Variants in AGBL1 observed in about 807,000 individuals in gnomAD.
AGBL1 encodes cytosolic carboxypeptidase 4.
Under a neutral mutation model 118.9 loss-of-function variants are expected in AGBL1, and 130 were observed. The ratio of observed to expected loss-of-function variants is 1.09; its 90% CI spans 0.95 to 1.26. The LOEUF (loss-of-function observed/expected upper bound fraction) is 1.26. Ranked by LOEUF, AGBL1 falls within the 50% of genes most tolerant of loss-of-function variation. AGBL1 has a pLI of 0.00. For synonymous variants in AGBL1, 555 were observed against 478.9 expected (o/e 1.16, Z -2.08); for missense variants, 1,584 against 1,298.1 (o/e 1.22, Z -3.38).
At chr15:86,188,028 A>G (rs1021274239) in intron 5 of AGBL1, among the ~76,000 whole-genome samples, 3 of 152,210 alleles carry the variant, frequency 2.0e-5, no homozygotes, top group Non-Finnish European at 4.4e-5. Context: ...GATAATTTAA[A>G]GTTTTTTCGT....
rs2079111245 is a variant in AGBL1 at position 86,268,714 on chromosome 15, T to C, written c.1839-1205T>C. ...TTGTGAGTGCCACTCCATGGGGTTA[T>C]GTGTCATGTGTTGTGTGGTGAGCCC... On this transcript the variant is annotated intron_variant, in intron 13 of 22. Coordinates refer to ENST00000614907, the MANE Select transcript of AGBL1 (RefSeq NM_001386094.1). Among the ~76,000 whole-genome samples the C allele has an allele frequency of 2.0e-5, 3 of 152,190 alleles. No homozygotes were observed. The South Asian group carries it at 6.2e-4, about 32-fold the overall frequency.
intron 21 of AGBL1, chr15:86,630,694 G>C (rs1217829477): frequency 6.6e-6 from 1 of 152,208 alleles, no homozygotes; most frequent in Non-Finnish European, 1.5e-5. Context: ...TCTGTGACAA[G>C]AACAAAGTGA....
rs550367311 is a variant in AGBL1, at chr15:86,495,369, A to T, written c.2556-27441A>T. Among the ~76,000 whole-genome samples, 434 of 147,984 alleles carry T rather than the reference A, an allele frequency of 2.9e-3. 4 individuals are homozygous for T. The highest frequency in any genetic ancestry group is 8.0e-3 in the African/African-American group (325 of 40,776). ...TGATCTATCAGTTTCTGTGAAAGGT[A>T]TTTTTTTTTAAATACCTCTATCTTT... On this transcript the variant is annotated intron_variant, in intron 18 of 22. Coordinates refer to ENST00000614907, the MANE Select transcript of AGBL1 (RefSeq NM_001386094.1).
At chr15:86,887,221 G>C (rs1262054984) in intron 22 of AGBL1, among the ~76,000 whole-genome samples, 2 of 152,150 alleles carry the variant, frequency 1.3e-5, no homozygotes, top group African/African-American at 4.8e-5. Flanking sequence ...TCTATCCTCT[G>C]TCATTCCATC....
chr15:86,696,297 T>C (rs1359027042), intron 22 of AGBL1, among the ~76,000 whole-genome samples: 2 of 151,970 alleles, frequency 1.3e-5, no homozygotes, highest in Non-Finnish European at 2.9e-5. Context: ...GATTGTGATA[T>C]TTTCCTGTTG....
At chr15:86,899,600 T>C (rs2080183136) in intron 22 of AGBL1, among the ~76,000 whole-genome samples, 1 of 152,192 alleles carries the variant, frequency 6.6e-6, no homozygotes, top group Non-Finnish European at 1.5e-5. Flanking sequence ...AATTTATATT[T>C]GATAATACTT....
intron 18 of AGBL1, among the ~76,000 whole-genome samples, chr15:86,518,872 C>A (rs2083153469): frequency 6.6e-6 from 1 of 151,272 alleles, no homozygotes; most frequent in South Asian, 2.1e-4. Flanking sequence ...GCAAGCATTT[C>A]AAAGCTAAAA....
At chr15:86,704,756 A>G (rs1208544384) in intron 22 of AGBL1, among the ~76,000 whole-genome samples, 1 of 152,200 alleles carries the variant, frequency 6.6e-6, no homozygotes, top group Non-Finnish European at 1.5e-5. Flanking sequence ...CAGAAATACC[A>G]TTTGACCCAA....
chr15:86,566,525 A>G (rs1049003119), intron 21 of AGBL1, among the ~76,000 whole-genome samples: 3 of 151,928 alleles, frequency 2.0e-5, no homozygotes, highest in East Asian at 3.9e-4. Context: ...GAAACAGCCA[A>G]TTTTTTTTAT....
At chr15:86,112,719 G>A (rs1002075987) in intron 1 of AGBL1, among the ~76,000 whole-genome samples, 13 of 152,182 alleles carry the variant, frequency 8.5e-5, no homozygotes, top group African/African-American at 2.7e-4. Context: ...CAGCAGTGTA[G>A]GAGAATGCCT....
chr15:86,143,947 G>A (rs919912318), intron 3 of AGBL1, 102 bp downstream of exon 3: 6 of 1,395,940 alleles, frequency 4.3e-6, no homozygotes, highest in African/African-American at 2.9e-5. Context: ...CAGGGAGAAA[G>A]CGTCAGGGAG....
chr15:86,852,727 A>G (rs1267758045), intron 22 of AGBL1, among the ~76,000 whole-genome samples: 2 of 151,492 alleles, frequency 1.3e-5, no homozygotes, highest in African/African-American at 4.9e-5. Flanking sequence ...CATCCTGTGA[A>G]CCTCTTTCCT....
At chr15:86,830,056 TTA>T (rs1273257527) in intron 22 of AGBL1, among the ~76,000 whole-genome samples, 3 of 152,266 alleles carry the variant, frequency 2.0e-5, no homozygotes, top group African/African-American at 2.4e-5. Flanking sequence ...TAGAATAATT[TTA>T]TATGTTTCCA....
At chr15:86,426,080 T>C (rs755731028) in intron 18 of AGBL1, among the ~76,000 whole-genome samples, 5 of 152,094 alleles carry the variant, frequency 3.3e-5, no homozygotes, top group Non-Finnish European at 5.9e-5. Flanking sequence ...TAGTATATAG[T>C]AGAACATATG....
chr15:86,326,837 A>AG (rs2080191675), intron 17 of AGBL1, among the ~76,000 whole-genome samples: 1 of 152,184 alleles, frequency 6.6e-6, no homozygotes, highest in Non-Finnish European at 1.5e-5. Flanking sequence ...AGAAGCTAGA[A>AG]GGGGGTCAGA....
At chr15:86,801,351 A>ATCTATCTATCTATCTATCTG (rs1237814314) in intron 22 of AGBL1, among the ~76,000 whole-genome samples, 2 of 149,914 alleles carry the variant, frequency 1.3e-5, no homozygotes, top group Non-Finnish European at 3.0e-5. Flanking sequence ...CTATCTATCT[A>ATCTATCTATCTATCTATCTG]TCTATATTAA....
intron 18 of AGBL1, among the ~76,000 whole-genome samples, chr15:86,433,259 CCTT>C (rs2081958809): frequency 7.1e-5 from 7 of 98,584 alleles, no homozygotes; most frequent in Admixed American, 6.2e-4. Context: ...TCCTCCTCCT[CCTT>C]CTTCTTTTTT....
At chr15:86,255,668 G>T (rs913806254) in intron 7 of AGBL1, among the ~76,000 whole-genome samples, 2 of 152,142 alleles carry the variant, frequency 1.3e-5, no homozygotes, top group Non-Finnish European at 2.9e-5. Flanking sequence ...TGTAATCCCA[G>T]CTTCTCAGGA....
intron 22 of AGBL1, among the ~76,000 whole-genome samples, chr15:86,882,580 C>T (rs1047506095): frequency 2.6e-5 from 4 of 152,162 alleles, no homozygotes; most frequent in Non-Finnish European, 4.4e-5. Context: ...AGTTAACCAA[C>T]TGGGCTTGTC....
Sources: gnomAD v4.1 joint callset for allele counts (sites outside exome capture counted in the v4.1 genomes callset) on GRCh38, gnomAD v4.1.1 for gene constraint, MANE v1.5 for transcripts, NCBI Gene and HGNC (gene_info 2026-07-23, HGNC 2026-07-21) for gene names.